Variants in PLCB4 observed in about 807,000 individuals in gnomAD.
PLCB4 encodes phospholipase C beta 4.
Under a neutral mutation model 178.8 loss-of-function variants are expected in PLCB4, and 77 were observed. That is an observed-to-expected ratio of 0.43 (90% confidence interval 0.36 to 0.52). The LOEUF is 0.52. PLCB4 is among the 20% of genes least tolerant of loss of function. The pLI is 0.00. For missense variants in PLCB4, 1,024 were observed against 1,453.4 expected, an observed-to-expected ratio of 0.70 and a Z score of 4.80; for synonymous variants, 496 against 490.8, an observed-to-expected ratio of 1.01 and a Z score of -0.14.
At chr20:9,293,385 G>A (rs939862494) in intron 3 of PLCB4, among the ~76,000 whole-genome samples, 4 of 148,856 alleles carry the variant, frequency 2.7e-5, no homozygotes, top group Non-Finnish European at 3.0e-5. Flanking sequence ...GAAAGGGAAG[G>A]AAAGGGAAGG....
intron 3 of PLCB4, among the ~76,000 whole-genome samples, chr20:9,253,674 G>T (rs2094204772): frequency 6.6e-6 from 1 of 152,172 alleles, no homozygotes; most frequent in South Asian, 2.1e-4. Context: ...TATGCATAAA[G>T]TCTGTTCATA....
Position 9,141,473 on chromosome 20 carries a change from G to A in PLCB4, c.-79+45131G>A, listed in dbSNP as rs552377313. ...CATAAAGATGGAGAAGGAAATAACT[G>A]AGATTTTGTTTTATTTAAAGATTCT... On this transcript the variant is annotated intron_variant, in intron 2 of 39. Coordinates refer to ENST00000378473, the MANE Select transcript of PLCB4 (RefSeq NM_001377142.1). Among the ~76,000 whole-genome samples the A allele has an allele frequency of 5.9e-5, 9 of 152,186 alleles. No homozygotes were observed. In the East Asian group the frequency reaches 1.7e-3, roughly 30 times the overall value.
intron 3 of PLCB4, among the ~76,000 whole-genome samples, chr20:9,270,480 A>G (rs566633433): frequency 9.9e-5 from 15 of 152,270 alleles, no homozygotes; most frequent in Non-Finnish European, 1.6e-4. Flanking sequence ...AGCCTCATCT[A>G]TGTTGTTGCT....
intron 22 of PLCB4, 22 bp downstream of exon 22, chr20:9,408,080 AG>A: frequency 1.9e-6 from 3 of 1,585,578 alleles, no homozygotes; most frequent in Non-Finnish European, 2.6e-6. Context: ...GGTTAAATGC[AG>A]TCGCCTTTTT....
At chr20:9,476,871 G>T in intron 39 of PLCB4, 118 bp downstream of exon 39, 1 of 678,024 alleles carries the variant, frequency 1.5e-6, no homozygotes, top group Non-Finnish European at 2.6e-6. Context: ...GAAGGGTTTG[G>T]ATTTAAAAGC....
In PLCB4 at chr20:9,120,031, A is replaced by G. The variant is rs926619390; in HGVS notation, c.-79+23689A>G. On this transcript the variant is annotated intron_variant, in intron 2 of 39. Transcript: ENST00000378473. ...CTGGCAGTTCCCCTTTCTTTCAGCA[A>G]TCTGCTTTGGCAGCCAGTCTGCCTC... Among the ~76,000 whole-genome samples, 6 of 152,254 alleles carry G rather than the reference A, an allele frequency of 3.9e-5. No homozygotes were observed. The East Asian group carries it at 9.7e-4, about 25-fold the overall frequency.
intron 25 of PLCB4, among the ~76,000 whole-genome samples, chr20:9,412,469 G>A (rs932606319): frequency 5.9e-5 from 9 of 152,046 alleles, no homozygotes; most frequent in African/African-American, 1.7e-4. Flanking sequence ...GACACCTGTC[G>A]CACAGGGTTT....
In PLCB4 at chr20:9,409,060, T is replaced by C. The variant is rs1315636804; in HGVS notation, c.1878T>C (p.Tyr626=). 2 of 1,610,310 alleles carry C rather than the reference T, an allele frequency of 1.2e-6. No individual in the cohort carries two copies. Among genetic ancestry groups the C allele is most frequent in the East Asian group, 2.2e-5 (1 of 44,864 alleles). The change falls in exon 24 of 40, where the codon TAT becomes TAC. Residue 626 remains tyrosine, a synonymous_variant. Coordinates refer to ENST00000378473, the MANE Select transcript of PLCB4 (RefSeq NM_001377142.1). The stretch of plus-strand genomic sequence containing the variant: ...TGTTTTCCTTAATAAGTTACAGTTA[T>C]AACAAACGGCAAATGAGTCGCATTT... ...LKTHAIEFVN[Y]NKRQMSRIYP...
chr20:9,165,147 C>T (rs542528458), intron 2 of PLCB4, among the ~76,000 whole-genome samples: 41 of 152,194 alleles, frequency 2.7e-4, no homozygotes, highest in South Asian at 1.0e-3. Context: ...GGCACGTGCC[C>T]GCTATAGCAA....
chr20:9,435,543 GTT>G lies in PLCB4; in HGVS notation c.2525-9_2525-8del. The G allele has an allele frequency of 7.0e-7, 1 of 1,433,216 alleles. No homozygotes were observed. The highest frequency in any genetic ancestry group is 1.8e-5 in the Admixed American group (1 of 57,088). 88.8% of individuals were successfully genotyped at this position (1,433,216 alleles called of 1,614,324 possible). A position where few individuals can be genotyped will look rare whatever the true frequency, so the allele number is the denominator to read the frequency against. ...AAACAGAGAATTAACGGCTCATTGG[GTT>G]TTTTTTTCCCCTAGATATCGTGGAT... On this transcript the variant is annotated splice_polypyrimidine_tract_variant and intron_variant, in intron 28 of 39. Coordinates refer to ENST00000378473, the MANE Select transcript of PLCB4 (RefSeq NM_001377142.1).
At chr20:9,108,659 C>A (rs1600463063) in intron 2 of PLCB4, among the ~76,000 whole-genome samples, 2 of 148,426 alleles carry the variant, frequency 1.3e-5, no homozygotes, top group Non-Finnish European at 3.0e-5. Flanking sequence ...TCAAGAATGC[C>A]AAATATATTC....
intron 3 of PLCB4, among the ~76,000 whole-genome samples, chr20:9,268,435 A>G (rs2094370512): frequency 6.6e-6 from 1 of 152,218 alleles, no homozygotes; most frequent in Non-Finnish European, 1.5e-5. Flanking sequence ...TATCTCAAGT[A>G]AATCTCAGAA....
At chr20:9,433,768 AT>A (rs573756474) in intron 28 of PLCB4, among the ~76,000 whole-genome samples, 3 of 151,688 alleles carry the variant, frequency 2.0e-5, no homozygotes, top group African/African-American at 4.8e-5. Context: ...ATTGTCTGTG[AT>A]TTTTTTTTCC....
intron 28 of PLCB4, among the ~76,000 whole-genome samples, chr20:9,426,157 A>C (rs1466758748): frequency 1.3e-5 from 2 of 152,174 alleles, no homozygotes. Flanking sequence ...GAAACTCATC[A>C]ATATACATCA....
chr20:9,319,022 C>T (rs150636090), intron 4 of PLCB4, among the ~76,000 whole-genome samples: 2 of 152,236 alleles, frequency 1.3e-5, no homozygotes, highest in Non-Finnish European at 2.9e-5. Context: ...GATCATCAGG[C>T]TAGTGGTGAA....
chr20:9,092,263 G>A (rs1206497782), intron 1 of PLCB4, among the ~76,000 whole-genome samples: 3 of 152,008 alleles, frequency 2.0e-5, no homozygotes, highest in Admixed American at 1.3e-4. Flanking sequence ...TCATCATTCC[G>A]TTTTGCATTG....
chr20:9,298,112 G>A (rs1276342252), intron 3 of PLCB4, among the ~76,000 whole-genome samples: 1 of 152,042 alleles, frequency 6.6e-6, no homozygotes, highest in Non-Finnish European at 1.5e-5. Context: ...TGTGACAGGT[G>A]TCCCACTTTA....
chr20:9,400,627 G>A (rs536990498), intron 19 of PLCB4, among the ~76,000 whole-genome samples: 15 of 152,096 alleles, frequency 9.9e-5, no homozygotes, highest in Admixed American at 2.0e-4. Flanking sequence ...TCATCCTGAT[G>A]TCTGTGGGTT....
At chr20:9,127,255 C>A (rs962498698) in intron 2 of PLCB4, among the ~76,000 whole-genome samples, 1 of 152,104 alleles carries the variant, frequency 6.6e-6, no homozygotes, top group Non-Finnish European at 1.5e-5. Context: ...TGAGACTCTG[C>A]ATTTCTAACA....
Sources: allele counts gnomAD v4.1 joint callset (sites outside exome capture counted in the v4.1 genomes callset), GRCh38; gene constraint gnomAD v4.1.1; transcripts MANE v1.5; gene names NCBI Gene and HGNC (gene_info 2026-07-23, HGNC 2026-07-21).